Variants in SBF2 observed in about 807,000 individuals in gnomAD.
The protein encoded by SBF2 is SET binding factor 2, also known as myotubularin-related protein 13.
Under a neutral mutation model 225.2 loss-of-function variants are expected in SBF2, and 112 were observed. That is an observed-to-expected ratio of 0.50 (90% CI 0.43 to 0.58). SBF2 has a LOEUF of 0.58. Ranked by LOEUF, SBF2 falls within the 20% of genes least tolerant of loss-of-function variation. The probability of loss-of-function intolerance (pLI) is 0.00; values close to 1 mark genes in which losing one functional copy is unlikely to be tolerated. For missense variants in SBF2, 1,996 were observed against 2,206.2 expected (o/e 0.90, Z 1.91); for synonymous variants, 763 against 773.3 (o/e 0.99, Z 0.22).
At chr11:9,793,150 A>T (rs571657210) in intron 33 of SBF2, among the ~76,000 whole-genome samples, 1 of 152,136 alleles carries the variant, frequency 6.6e-6, no homozygotes, top group African/African-American at 2.4e-5. Context: ...AATCATGATA[A>T]TCTTTCAATA....
rs535369756 is a variant in SBF2, at chr11:10,274,516, C to T, written c.55+19499G>A. On this transcript the variant is annotated intron_variant, in intron 1 of 39. Transcript: ENST00000256190. ...CTATAATCCCATCACTTTGGGAGGCCGAGGCAGACGGATCACCTGAGGTCA... is the reference window on the plus strand; with the variant it reads ...CTATAATCCCATCACTTTGGGAGGCTGAGGCAGACGGATCACCTGAGGTCA... 3.3e-5 allele frequency among the ~76,000 whole-genome samples: 5 copies of T among 152,042 alleles called. 1 individual carries two copies. The highest frequency in any genetic ancestry group is 4.2e-4 in the South Asian group (2 of 4,818).
In SBF2 at chr11:9,789,266, G is replaced by C. The variant is rs762915016; in HGVS notation, c.4775C>G (p.Pro1592Arg). 6.2e-7 allele frequency: 1 copy of C among 1,614,166 alleles called. No homozygotes were observed. Among genetic ancestry groups the C allele is most frequent in the Non-Finnish European group, 8.5e-7 (1 of 1,180,022 alleles). ...YYIEETLSTG[P>R]SYDWMMLTPK... is the part of the protein sequence containing the mutation. ...GGTTAGCATCATCCAGTCATAGGAA[G>C]GGCCTGTGGACAGGGTCTCTTCTAT... The change falls in exon 35 of 40, where the codon CCT becomes CGT. Residue 1592 changes from proline (P) to arginine (R), a missense_variant. Pro to Arg is a moderately radical substitution (Grantham distance 103, BLOSUM62 -2). Coordinates refer to ENST00000256190, the MANE Select transcript of SBF2 (RefSeq NM_030962.4).
At chr11:10,127,569 T>C (rs955991384) in intron 2 of SBF2, among the ~76,000 whole-genome samples, 2 of 152,146 alleles carry the variant, frequency 1.3e-5, no homozygotes, top group African/African-American at 4.8e-5. Flanking sequence ...ATAATTCTAC[T>C]TGATGGTTCT....
At position 10,042,787 on chromosome 11, in the gene SBF2, A is replaced by G. The variant is rs113977221; in HGVS notation, c.279+57T>C. 4.4e-6 allele frequency: 7 copies of G among 1,583,898 alleles called. No homozygotes were observed. The African/African-American group carries it at 5.4e-5, about 12-fold the overall frequency. ...TTGTAACAAAAATATGGCATATAAA[A>G]AACATTCCTAAATGTTGTACCTTCG... On this transcript the variant is annotated intron_variant, in intron 3 of 39. Transcript: ENST00000256190.
chr11:10,144,250 G>A (rs1954786299), intron 2 of SBF2, among the ~76,000 whole-genome samples: 1 of 152,152 alleles, frequency 6.6e-6, no homozygotes, highest in Admixed American at 6.5e-5. Flanking sequence ...CACTTTGGGA[G>A]GCAGAAGTGG....
At chr11:10,189,707 C>A (rs1164792194) in intron 2 of SBF2, among the ~76,000 whole-genome samples, 1 of 152,138 alleles carries the variant, frequency 6.6e-6, no homozygotes, top group Non-Finnish European at 1.5e-5. Context: ...TTTCAAGCCA[C>A]AAAATTTATT....
At chr11:10,083,711 A>T (rs1951451415) in intron 2 of SBF2, among the ~76,000 whole-genome samples, 1 of 152,206 alleles carries the variant, frequency 6.6e-6, no homozygotes, top group African/African-American at 2.4e-5. Flanking sequence ...CTCTCACCAT[A>T]TGCAAAAATT....
rs1428759553 is a variant in SBF2, at chr11:9,968,439, AC to A, written c.1501del (p.Val501PhefsTer4). On this transcript the variant is annotated frameshift_variant, in exon 14 of 40. Coordinates refer to ENST00000256190, the MANE Select transcript of SBF2 (RefSeq NM_030962.4). LOFTEE classifies it high-confidence loss of function. ...LPFPEINEARVQELIQENVAK... is the reference protein window; with the variant it reads ...LPFPEINEARXQELIQENVAK... ...AACATTTTCCTGTATTAATTCCTGAACCCGGGCTTCATTAATCTCTGGGAAA... is the reference window on the plus strand; with the variant it reads ...AACATTTTCCTGTATTAATTCCTGAACCGGGCTTCATTAATCTCTGGGAAA... 6.2e-7 allele frequency: 1 copy of A among 1,613,976 alleles called. No individual in the cohort carries two copies. Among genetic ancestry groups the A allele is most frequent in the Non-Finnish European group, 8.5e-7 (1 of 1,179,890 alleles).
At chr11:10,101,659 C>CTGTGTG (rs144213559) in intron 2 of SBF2, among the ~76,000 whole-genome samples, 9,888 of 148,096 alleles carry the variant, frequency 0.067, 396 homozygotes, top group South Asian at 0.15. Context: ...CTCTCTCGCT[C>CTGTGTG]TGTGTGTGTG....
chr11:9,818,968 C>A lies in SBF2; in HGVS notation c.3794-1944G>T, dbSNP rs143922858. 7.3e-5 allele frequency among the ~76,000 whole-genome samples: 11 copies of A among 151,686 alleles called. 1 individual carries two copies. The highest frequency in any genetic ancestry group is 1.3e-4 in the Non-Finnish European group (9 of 67,916). On this transcript the variant is annotated intron_variant, in intron 28 of 39. Coordinates refer to ENST00000256190, the MANE Select transcript of SBF2 (RefSeq NM_030962.4). ...AACTCCCGACCTCAGGTGATCCGCC[C>A]GCCTCAGCCTCCCAAAGTGCTGGGA...
chr11:10,142,447 T>C (rs1280691121), intron 2 of SBF2, among the ~76,000 whole-genome samples: 2 of 152,196 alleles, frequency 1.3e-5, no homozygotes, highest in African/African-American at 4.8e-5. Flanking sequence ...AAGAATAACC[T>C]TGCTTTTCAA....
chr11:9,850,805 T>A lies in SBF2; in HGVS notation c.2611-587A>T, dbSNP rs528240011. Among the ~76,000 whole-genome samples the A allele has an allele frequency of 2.1e-4, 32 of 152,282 alleles. 1 individual carries two copies. In the East Asian group the frequency reaches 3.9e-3, roughly 18 times the overall value. ...ATTCAATGAAACATTTTGTAACCTT[T>A]AAAAAATGACATAGATCTATATGTG... On this transcript the variant is annotated intron_variant, in intron 21 of 39. Transcript: ENST00000256190.
At chr11:10,275,990 A>C (rs1962929933) in intron 1 of SBF2, among the ~76,000 whole-genome samples, 1 of 152,156 alleles carries the variant, frequency 6.6e-6, no homozygotes, top group Non-Finnish European at 1.5e-5. Context: ...TTAAAAGCAA[A>C]GCATTAAATT....
intron 2 of SBF2, among the ~76,000 whole-genome samples, chr11:10,141,541 T>C (rs1954645958): frequency 6.6e-6 from 1 of 152,184 alleles, no homozygotes; most frequent in South Asian, 2.1e-4. Context: ...AATCATTTCT[T>C]TCAAAAGACA....
chr11:10,190,781 AAC>A (rs1213502608), intron 2 of SBF2, among the ~76,000 whole-genome samples: 1 of 152,216 alleles, frequency 6.6e-6, no homozygotes, highest in Non-Finnish European at 1.5e-5. Context: ...CCTATTCAAT[AAC>A]ACAGCCTTCT....
At chr11:10,117,987 C>T (rs1466208260) in intron 2 of SBF2, among the ~76,000 whole-genome samples, 1 of 152,118 alleles carries the variant, frequency 6.6e-6, no homozygotes, top group Non-Finnish European at 1.5e-5. Context: ...TCACAAGCAA[C>T]GTGCAATTCT....
intron 16 of SBF2, among the ~76,000 whole-genome samples, chr11:9,928,585 A>G (rs1435315049): frequency 6.6e-6 from 1 of 152,208 alleles, no homozygotes; most frequent in Non-Finnish European, 1.5e-5. Context: ...GGTCCAGCCA[A>G]TACACTCCTG....
At chr11:10,145,527 A>G (rs1289851340) in intron 2 of SBF2, among the ~76,000 whole-genome samples, 1 of 152,168 alleles carries the variant, frequency 6.6e-6, no homozygotes, top group Non-Finnish European at 1.5e-5. Flanking sequence ...AAACTACCAC[A>G]GCTTTTATAA....
chr11:9,895,542 C>T (rs1564968812), intron 17 of SBF2, among the ~76,000 whole-genome samples: 1 of 152,100 alleles, frequency 6.6e-6, no homozygotes, highest in East Asian at 1.9e-4. Flanking sequence ...TAATTTCTGG[C>T]TTCAATGTCA....
Sources: allele counts gnomAD v4.1 joint callset (sites outside exome capture counted in the v4.1 genomes callset), GRCh38; gene constraint gnomAD v4.1.1; transcripts MANE v1.5; gene names NCBI Gene and HGNC (gene_info 2026-07-23, HGNC 2026-07-21).